ROBO2: variants seen among roughly 807,000 people sequenced by gnomAD.
ROBO2 encodes roundabout guidance receptor 2.
A neutral mutation model predicts 160.8 loss-of-function variants in ROBO2; 53 were observed. The ratio of observed to expected loss-of-function variants is 0.33; its 90% CI spans 0.26 to 0.41. The LOEUF (loss-of-function observed/expected upper bound fraction) is 0.41. ROBO2 is among the 10% of genes least tolerant of loss of function. The pLI is 1.00. For missense variants in ROBO2, 1,577 were observed against 1,722.4 expected (o/e 0.92, Z 1.49); for synonymous variants, 664 against 611.7 (o/e 1.09, Z -1.26).
At position 76,261,205 on chromosome 3, in the gene ROBO2, T is replaced by TGTGTGTGTGTGTGTGTG. The variant is rs201526041; in HGVS notation, c.109+323603_109+323604insGTGTGTGTGTGTGTGTG. Among the ~76,000 whole-genome samples, 13 of 137,350 alleles carry TGTGTGTGTGTGTGTGTG rather than the reference T, an allele frequency of 9.5e-5. 1 individual carries two copies. The highest frequency in any genetic ancestry group is 1.9e-4 in the Non-Finnish European group (12 of 62,078). The allele number at this position is 137,350 out of a possible 152,430, so 90.1% of individuals were successfully genotyped here. On this transcript the variant is annotated intron_variant, in intron 2 of 26. Coordinates refer to the ROBO2 transcript ENST00000487694. ...GTGTGTGTGTGTGTGTGTGTGTGTA[T>TGTGTGTGTGTGTGTGTG]ATATATATATAAATGACAGCTTCCT...
chr3:76,962,596 C>A (rs13326534), intron 2 of ROBO2, among the ~76,000 whole-genome samples: 11,736 of 145,278 alleles, frequency 0.081, 1,555 homozygotes, highest in African/African-American at 0.28. Flanking sequence ...CAAGATCGTG[C>A]CATTGCACTC....
intron 2 of ROBO2, among the ~76,000 whole-genome samples, chr3:76,038,784 GTGTGTGTA>G (rs1308670363): frequency 9.1e-6 from 1 of 110,428 alleles, no homozygotes; most frequent in East Asian, 2.4e-4. Context: ...GTGTGTGTGT[GTGTGTGTA>G]TGTATGTGTG....
chr3:76,523,328 C>T (rs952726010), intron 2 of ROBO2, among the ~76,000 whole-genome samples: 3 of 151,976 alleles, frequency 2.0e-5, no homozygotes, highest in Admixed American at 6.6e-5. Flanking sequence ...CGACTTTTCC[C>T]ATTCTGTCTT....
At chr3:77,330,849 T>G (rs1043015770) in intron 2 of ROBO2, among the ~76,000 whole-genome samples, 7 of 152,226 alleles carry the variant, frequency 4.6e-5, no homozygotes, top group Non-Finnish European at 1.0e-4. Flanking sequence ...TTTGTTTATT[T>G]GGTAAAGTAT....
intron 1 of ROBO2, among the ~76,000 whole-genome samples, chr3:77,047,724 A>G (rs2064822291): frequency 6.9e-6 from 1 of 145,678 alleles, no homozygotes; most frequent in African/African-American, 2.5e-5. Context: ...ATAAATAAAT[A>G]TATATATAAA....
chr3:76,486,366 T>C (rs1463170000), intron 2 of ROBO2, among the ~76,000 whole-genome samples: 1 of 152,152 alleles, frequency 6.6e-6, no homozygotes, highest in African/African-American at 2.4e-5. Context: ...TCTAGGCTAA[T>C]GCTCGGTGGT....
At chr3:77,628,649 C>T (rs931957219) in intron 23 of ROBO2, among the ~76,000 whole-genome samples, 10 of 152,058 alleles carry the variant, frequency 6.6e-5, no homozygotes, top group African/African-American at 2.4e-4. Context: ...AAAATATTTA[C>T]CATAAATATG....
chr3:76,163,268 A>G (rs1017141759), intron 2 of ROBO2, among the ~76,000 whole-genome samples: 12 of 151,932 alleles, frequency 7.9e-5, no homozygotes, highest in Admixed American at 3.9e-4. Context: ...ATCAATCAAT[A>G]TAATACTAAC....
intron 2 of ROBO2, among the ~76,000 whole-genome samples, chr3:76,333,424 T>C (rs2073640587): frequency 6.6e-6 from 1 of 152,176 alleles, no homozygotes; most frequent in African/African-American, 2.4e-5. Context: ...TGTCTAGCTC[T>C]CAGTAAATTA....
intron 2 of ROBO2, among the ~76,000 whole-genome samples, chr3:77,295,837 G>A (rs891913112): frequency 6.8e-5 from 10 of 148,090 alleles, no homozygotes; most frequent in Non-Finnish European, 1.0e-4. Flanking sequence ...TAAAATTGAC[G>A]GGTAAACGGG....
chr3:77,139,648 C>T (rs2076549491), intron 2 of ROBO2, among the ~76,000 whole-genome samples: 1 of 152,168 alleles, frequency 6.6e-6, no homozygotes, highest in Non-Finnish European at 1.5e-5. Flanking sequence ...CACGGCAGAA[C>T]AATTTTCAGA....
At chr3:77,087,733 CAT>C (rs200451099) in intron 1 of ROBO2, among the ~76,000 whole-genome samples, 7,501 of 151,346 alleles carry the variant, frequency 0.05, 211 homozygotes, top group Middle Eastern at 0.13. Flanking sequence ...CACATATATA[CAT>C]ATATGTGTGT....
At chr3:77,366,594 G>A (rs1183400647) in intron 2 of ROBO2, among the ~76,000 whole-genome samples, 1 of 152,124 alleles carries the variant, frequency 6.6e-6, no homozygotes, top group Non-Finnish European at 1.5e-5. Flanking sequence ...AGGTATGCCT[G>A]AGGCTGAGTA....
chr3:76,293,191 C>T (rs1052253865), intron 2 of ROBO2, among the ~76,000 whole-genome samples: 18 of 152,018 alleles, frequency 1.2e-4, no homozygotes, highest in African/African-American at 2.7e-4. Context: ...CACTGAGACC[C>T]GAAAGGTCTC....
chr3:75,968,948 C>T (rs2107341015), intron 2 of ROBO2, among the ~76,000 whole-genome samples: 1 of 149,804 alleles, frequency 6.7e-6, no homozygotes, highest in Middle Eastern at 3.4e-3. Context: ...ACATAGATAG[C>T]ACATAGAATA....
chr3:77,114,436 T>G (rs980601619), intron 2 of ROBO2, among the ~76,000 whole-genome samples: 1 of 152,336 alleles, frequency 6.6e-6, no homozygotes, highest in Middle Eastern at 3.4e-3. Context: ...TATTTTATTT[T>G]TATAGCATTT....
chr3:77,295,371 G>A (rs1290661687), intron 2 of ROBO2, among the ~76,000 whole-genome samples: 1 of 150,300 alleles, frequency 6.7e-6, no homozygotes, highest in African/African-American at 2.5e-5. Context: ...ATGGTTAAAT[G>A]GGTAAGCTGA....
chr3:76,230,422 C>G (rs1283410916), intron 2 of ROBO2, among the ~76,000 whole-genome samples: 1 of 152,126 alleles, frequency 6.6e-6, no homozygotes, highest in East Asian at 1.9e-4. Context: ...AAATTAACAA[C>G]TGCTTCAGTC....
At chr3:76,177,203 T>C (rs2073263106) in intron 2 of ROBO2, among the ~76,000 whole-genome samples, 1 of 152,184 alleles carries the variant, frequency 6.6e-6, no homozygotes, top group Non-Finnish European at 1.5e-5. Flanking sequence ...TTTAAGAAGA[T>C]AATCCTTTAT....
Sources: gnomAD v4.1 joint callset for allele counts (sites outside exome capture counted in the v4.1 genomes callset) on GRCh38, gnomAD v4.1.1 for gene constraint, MANE v1.5 for transcripts, NCBI Gene and HGNC (gene_info 2026-07-23, HGNC 2026-07-21) for gene names.